Variants in TRPM3 observed in about 807,000 individuals in gnomAD.
The protein encoded by TRPM3 is transient receptor potential cation channel subfamily M member 3, also known as long transient receptor potential channel 3.
TRPM3 carries 77 observed loss-of-function variants against 181.2 expected under a neutral mutation model. The observed-to-expected ratio is 0.42, with a 90% CI of 0.35 to 0.51. The LOEUF (loss-of-function observed/expected upper bound fraction) is 0.51. Among genes scored for constraint, TRPM3 ranks in the 20% least tolerant of loss-of-function variants. The pLI, the probability that TRPM3 is intolerant of heterozygous loss-of-function variation, is 0.01. For synonymous variants in TRPM3, 745 were observed against 796.4 expected (o/e 0.94, Z 1.09); for missense variants, 1,759 against 2,196.7 (o/e 0.80, Z 3.98).
intron 1 of TRPM3, among the ~76,000 whole-genome samples, chr9:71,242,877 A>T (rs577367458): frequency 6.6e-6 from 1 of 152,026 alleles, no homozygotes; most frequent in Non-Finnish European, 1.5e-5. Context: ...CATTGCCTCA[A>T]AGTAAAATGC....
At chr9:71,423,690 G>T (rs373863010) in intron 1 of TRPM3, among the ~76,000 whole-genome samples, 1 of 151,936 alleles carries the variant, frequency 6.6e-6, no homozygotes, top group African/African-American at 2.4e-5. Flanking sequence ...ACAAACACAC[G>T]TATATATGTA....
intron 5 of TRPM3, among the ~76,000 whole-genome samples, chr9:70,830,515 T>C (rs80105017): frequency 2.0e-5 from 3 of 152,222 alleles, no homozygotes; most frequent in African/African-American, 7.2e-5. Flanking sequence ...CTGATCCCTA[T>C]TTCTTTTGAT....
chr9:70,534,717 ACTTC>A lies in TRPM3; in HGVS notation c.*1232_*1235del, dbSNP rs1453526332. The stretch of plus-strand genomic sequence containing the variant: ...ATCTAAGGTTATTTATAGTTTTGAA[ACTTC>A]CTTAAAAAGTACTTTGGAACATTTC... On this transcript the variant is annotated 3_prime_UTR_variant, in exon 26 of 26. Transcript: ENST00000677713. 1 of 152,232 alleles carries A rather than the reference ACTTC, an allele frequency of 6.6e-6. No homozygotes were observed. The highest frequency in any genetic ancestry group is 1.5e-5 in the Non-Finnish European group (1 of 68,044). The allele number at this position is 152,232 out of a possible 1,614,324, so 9.4% of individuals were successfully genotyped here.
chr9:71,324,874 T>C (rs774779720), intron 1 of TRPM3, among the ~76,000 whole-genome samples: 16 of 152,026 alleles, frequency 1.1e-4, no homozygotes, highest in Non-Finnish European at 2.1e-4. Flanking sequence ...AGTTCTCACA[T>C]GTGTAAGCTA....
At chr9:71,195,715 C>T (rs1478609754) in intron 1 of TRPM3, among the ~76,000 whole-genome samples, 2 of 152,066 alleles carry the variant, frequency 1.3e-5, no homozygotes, top group African/African-American at 4.8e-5. Context: ...CCTAAACGCC[C>T]ATCAGTGGAA....
At chr9:70,982,216 C>T (rs1342319160) in intron 1 of TRPM3, among the ~76,000 whole-genome samples, 2 of 152,148 alleles carry the variant, frequency 1.3e-5, no homozygotes, top group African/African-American at 2.4e-5. Flanking sequence ...TTACTGATAT[C>T]GTATAACAAT....
intron 6 of TRPM3, among the ~76,000 whole-genome samples, chr9:70,786,699 G>C (rs182605895): frequency 1.3e-5 from 2 of 152,226 alleles, no homozygotes; most frequent in East Asian, 3.9e-4. Flanking sequence ...AAAAGTAATT[G>C]TGTTTTTTGC....
chr9:71,161,983 C>T (rs2076291686), intron 1 of TRPM3, among the ~76,000 whole-genome samples: 1 of 151,786 alleles, frequency 6.6e-6, no homozygotes. Context: ...AGGCTGATCA[C>T]CTGAGGTCAT....
chr9:70,823,419 A>T (rs2093338847), intron 6 of TRPM3, among the ~76,000 whole-genome samples: 1 of 152,146 alleles, frequency 6.6e-6, no homozygotes, highest in African/African-American at 2.4e-5. Context: ...CTCCTCACTG[A>T]ACACCTGGTG....
intron 9 of TRPM3, among the ~76,000 whole-genome samples, chr9:70,659,720 T>G (rs2060847956): frequency 6.6e-6 from 1 of 152,214 alleles, no homozygotes; most frequent in African/African-American, 2.4e-5. Context: ...TAATTTTTCT[T>G]GGCTACAAGT....
intron 1 of TRPM3, among the ~76,000 whole-genome samples, chr9:70,970,325 C>T (rs2097229925): frequency 6.6e-6 from 1 of 152,066 alleles, no homozygotes. Flanking sequence ...TTCCATTAGA[C>T]CGCACCTGCA....
intron 1 of TRPM3, among the ~76,000 whole-genome samples, chr9:71,055,956 G>C (rs1266522419): frequency 6.6e-6 from 1 of 151,926 alleles, no homozygotes; most frequent in Non-Finnish European, 1.5e-5. Flanking sequence ...TACCTACCAT[G>C]TATTGGGCAC....
chr9:71,183,934 A>C (rs1169217912), intron 1 of TRPM3, among the ~76,000 whole-genome samples: 2 of 152,234 alleles, frequency 1.3e-5, no homozygotes, highest in East Asian at 3.9e-4. Context: ...GTTACTATAC[A>C]AGGTATAAAA....
chr9:71,265,754 T>C lies in TRPM3; in HGVS notation c.183+180899A>G, dbSNP rs546281112. ...ATTAACACCAGCAATATCTATTGTATGTTTACATTTTCCTTTCTAATATCC... is the reference window on the plus strand; with the variant it reads ...ATTAACACCAGCAATATCTATTGTACGTTTACATTTTCCTTTCTAATATCC... On this transcript the variant is annotated intron_variant, in intron 1 of 24. Transcript: ENST00000357533. Among the ~76,000 whole-genome samples, 5 of 152,344 alleles carry C rather than the reference T, an allele frequency of 3.3e-5. No homozygotes were observed. The South Asian group carries it at 1.0e-3, about 32-fold the overall frequency.
chr9:71,267,674 C>T (rs1173833062), intron 1 of TRPM3, among the ~76,000 whole-genome samples: 1 of 152,186 alleles, frequency 6.6e-6, no homozygotes, highest in Non-Finnish European at 1.5e-5. Flanking sequence ...ACAACTTACT[C>T]TTTTTGTGTG....
intron 1 of TRPM3, among the ~76,000 whole-genome samples, chr9:71,252,847 CTTTT>C (rs11417438): frequency 3.8e-4 from 32 of 84,762 alleles, no homozygotes; most frequent in Admixed American, 1.9e-3. Context: ...AATTTTGTCT[CTTTT>C]TTTTTTTTTT....
chr9:71,027,826 C>A (rs926897559), intron 1 of TRPM3, among the ~76,000 whole-genome samples: 8 of 151,898 alleles, frequency 5.3e-5, no homozygotes, highest in Admixed American at 3.9e-4. Flanking sequence ...GTAAAGAGAC[C>A]AAATCTATGA....
intron 1 of TRPM3, among the ~76,000 whole-genome samples, chr9:70,866,479 C>T (rs1165508550): frequency 6.6e-6 from 1 of 152,034 alleles, no homozygotes; most frequent in Non-Finnish European, 1.5e-5. Context: ...CAGTTTTCCT[C>T]ATCTATAAAA....
At chr9:71,043,143 C>T (rs758374951) in intron 1 of TRPM3, among the ~76,000 whole-genome samples, 14 of 152,202 alleles carry the variant, frequency 9.2e-5, no homozygotes, top group Non-Finnish European at 1.9e-4. Context: ...AGAACGTACA[C>T]ATTTTTGCAT....
Sources: allele counts gnomAD v4.1 joint callset (sites outside exome capture counted in the v4.1 genomes callset), GRCh38; gene constraint gnomAD v4.1.1; transcripts MANE v1.5; gene names NCBI Gene and HGNC (gene_info 2026-07-23, HGNC 2026-07-21).